Variants in FGFR2 observed in about 807,000 individuals in gnomAD.
FGFR2 encodes the protein fibroblast growth factor receptor 2, also known as BEK fibroblast growth factor receptor.
In FGFR2, 19 loss-of-function variants were observed where a neutral mutation model predicts 95.9. The observed-to-expected ratio is 0.20, with a 90% CI of 0.14 to 0.29. The LOEUF is 0.29. Ranked by LOEUF, FGFR2 falls within the 10% of genes least tolerant of loss-of-function variation. FGFR2 has a pLI of 1.00. For missense variants in FGFR2, 707 were observed against 1,056.9 expected (o/e 0.67, Z 4.59); for synonymous variants, 392 against 393.3 (o/e 1.00, Z 0.04).
chr10:121,595,627 G>A (rs1863323082), intron 1 of FGFR2, among the ~76,000 whole-genome samples: 1 of 152,236 alleles, frequency 6.6e-6, no homozygotes, highest in Non-Finnish European at 1.5e-5. Context: ...ACATGTGGGA[G>A]GAAAGTACAC....
rs142158313 is a variant in FGFR2 at position 121,534,912 on chromosome 10, C to T, written c.748+3680G>A. ...CTGAAGGGTGACCTTTGAGAAGGTA[C>T]GTCCACGTCCTAAGCCTTGGAAACT... On this transcript the variant is annotated intron_variant, in intron 6 of 17. Coordinates refer to ENST00000358487, the MANE Select transcript of FGFR2 (RefSeq NM_000141.5). Among the ~76,000 whole-genome samples the T allele has an allele frequency of 2.6e-5, 4 of 152,224 alleles. No individual in the cohort carries two copies. In the East Asian group the frequency reaches 5.8e-4, roughly 22 times the overall value.
At chr10:121,586,976 C>T (rs1309698521) in intron 2 of FGFR2, among the ~76,000 whole-genome samples, 1 of 152,328 alleles carries the variant, frequency 6.6e-6, no homozygotes, top group South Asian at 2.1e-4. Context: ...GGGGGCATCA[C>T]ATTACCTGAC....
Position 121,504,102 on chromosome 10 carries a change from C to T in FGFR2, c.1288-161G>A, listed in dbSNP as rs3135772. Reference sequence around the variant, plus strand: ...AGAAAACCACTGGAATCTAACTCCTCTGCCCTCCAGTCCATGCAGTACCAG... The same window carrying T: ...AGAAAACCACTGGAATCTAACTCCTTTGCCCTCCAGTCCATGCAGTACCAG... On this transcript the variant is annotated intron_variant, in intron 9 of 17. Transcript: ENST00000358487. Among the ~76,000 whole-genome samples, 16,732 of 152,214 alleles carry T rather than the reference C, an allele frequency of 0.11. 1,531 individuals carry two copies. Among genetic ancestry groups the T allele is most frequent in the East Asian group, 0.51 (2,621 of 5,162 alleles).
intron 5 of FGFR2, among the ~76,000 whole-genome samples, chr10:121,543,392 C>T (rs895692671): frequency 2.0e-5 from 3 of 152,130 alleles, no homozygotes; most frequent in African/African-American, 7.2e-5. Flanking sequence ...TGCCTGTAAT[C>T]CCAGCTACTC....
In FGFR2 at chr10:121,479,141, G is replaced by A. The variant is rs1261960780; in HGVS notation, c.*716C>T. ...GGATCTGATAACTAGTTAAGTCCAA[G>A]CAATAGATTAACTAGTCTGCTGTGC... On this transcript the variant is annotated 3_prime_UTR_variant, in exon 18 of 18. Transcript: ENST00000358487. 1 of 232,546 alleles carries A rather than the reference G, an allele frequency of 4.3e-6. No homozygotes were observed. Among genetic ancestry groups the A allele is most frequent in the Admixed American group, 5.6e-5 (1 of 17,748 alleles). The allele number at this position is 232,546 out of a possible 1,614,324, so 14.4% of individuals were successfully genotyped here. A position where few individuals can be genotyped will look rare whatever the true frequency, so the allele number is the denominator to read the frequency against.
At chr10:121,528,880 A>G (rs1386427324) in intron 6 of FGFR2, among the ~76,000 whole-genome samples, 4 of 152,168 alleles carry the variant, frequency 2.6e-5, no homozygotes, top group Admixed American at 2.6e-4. Flanking sequence ...ACACTCGGTG[A>G]GAGTCTCACA....
intron 6 of FGFR2, among the ~76,000 whole-genome samples, chr10:121,526,369 G>A (rs1851367842): frequency 6.6e-6 from 1 of 152,134 alleles, no homozygotes; most frequent in Non-Finnish European, 1.5e-5. Context: ...GGAGGAGGCC[G>A]ATCAAAGCTC....
rs34753296 is a variant in FGFR2 at position 121,560,615 on chromosome 10, C to CAAAA, written c.454+3883_454+3886dup. 4.3e-3 allele frequency among the ~76,000 whole-genome samples: 224 copies of CAAAA among 51,798 alleles called. 25 individuals are homozygous for CAAAA. The highest frequency in any genetic ancestry group is 0.014 in the African/African-American group (196 of 14,504). 34.0% of individuals were successfully genotyped at this position (51,798 alleles called of 152,430 possible). A position where few individuals can be genotyped will look rare whatever the true frequency, so the allele number is the denominator to read the frequency against. On this transcript the variant is annotated intron_variant, in intron 4 of 17. Coordinates refer to ENST00000358487, the MANE Select transcript of FGFR2 (RefSeq NM_000141.5). The stretch of plus-strand genomic sequence containing the variant: ...GGGCAACAGAGCAAGACTCCGTCCC[C>CAAAA]AAAAAAAAAAAAAAAAAAAAAAAAA...
At chr10:121,533,380 ACT>A (rs1466817879) in intron 6 of FGFR2, among the ~76,000 whole-genome samples, 1 of 152,092 alleles carries the variant, frequency 6.6e-6, no homozygotes, top group Non-Finnish European at 1.5e-5. Context: ...ACAAAGCAAG[ACT>A]CTGTCTCAAA....
chr10:121,561,607 C>T lies in FGFR2; in HGVS notation c.454+2895G>A, dbSNP rs1856979407. Among the ~76,000 whole-genome samples, 4 of 151,968 alleles carry T rather than the reference C, an allele frequency of 2.6e-5. No homozygotes were observed. The South Asian group carries it at 6.2e-4, about 24-fold the overall frequency. On this transcript the variant is annotated intron_variant, in intron 4 of 17. Transcript: ENST00000358487. ...AAACAATAATACTCCTAGGAGGTAACATAGGAGAAAATCTAGATGACCTTG... is the reference window on the plus strand; with the variant it reads ...AAACAATAATACTCCTAGGAGGTAATATAGGAGAAAATCTAGATGACCTTG...
chr10:121,564,972 C>T (rs1857462466), intron 3 of FGFR2, among the ~76,000 whole-genome samples: 1 of 152,106 alleles, frequency 6.6e-6, no homozygotes, highest in Non-Finnish European at 1.5e-5. Context: ...CCTAACAAAA[C>T]TCAGTCCCTG....
intron 6 of FGFR2, chr10:121,538,325 T>C: frequency 2.6e-6 from 2 of 780,624 alleles, no homozygotes; most frequent in Admixed American, 1.7e-5. Context: ...GCTTCCAAAA[T>C]GTCAGACATT....
chr10:121,556,147 C>T (rs545505358), intron 4 of FGFR2, among the ~76,000 whole-genome samples: 3 of 152,054 alleles, frequency 2.0e-5, no homozygotes, highest in Non-Finnish European at 2.9e-5. Context: ...GATGGATGGA[C>T]GGATGGATGA....
chr10:121,538,847 A>G (rs1352327018), intron 5 of FGFR2, 132 bp from the exon 6 acceptor site: 8 of 1,136,440 alleles, frequency 7.0e-6, no homozygotes, highest in Admixed American at 4.0e-5. Flanking sequence ...TTCTAAATTG[A>G]TAACTGTCAT....
intron 13 of FGFR2, 79 bp downstream of exon 13, chr10:121,496,453 G>C (rs1846822215): frequency 7.5e-7 from 1 of 1,326,964 alleles, no homozygotes; most frequent in Admixed American, 1.7e-5. Flanking sequence ...TAGCAAATGA[G>C]CATGTCCAAA....
intron 9 of FGFR2, among the ~76,000 whole-genome samples, chr10:121,507,064 C>T (rs1016063089): frequency 3.9e-5 from 6 of 152,196 alleles, no homozygotes; most frequent in African/African-American, 1.4e-4. Flanking sequence ...TTTGTGGCAT[C>T]TCTGCATCCT....
chr10:121,483,944 T>A, intron 16 of FGFR2, 141 bp from the exon 17 acceptor site: 1 of 674,794 alleles, frequency 1.5e-6, no homozygotes, highest in Non-Finnish European at 2.6e-6. Flanking sequence ...TAGGGGGTCA[T>A]GAATCACTTT....
chr10:121,580,491 G>T lies in FGFR2; in HGVS notation c.109+13218C>A, dbSNP rs11200018. On this transcript the variant is annotated intron_variant, in intron 2 of 17. Transcript: ENST00000358487. ...CCAGCATCTCGAAACCCGTGCAGAC[G>T]CCTGAAGGCACAGAGTTGTGGCCTG... is the stretch of plus-strand genomic sequence containing the variant. 1.8e-3 allele frequency among the ~76,000 whole-genome samples: 280 copies of T among 152,244 alleles called. 5 individuals carry two copies. The East Asian group carries it at 0.044, about 24-fold the overall frequency.
intron 4 of FGFR2, among the ~76,000 whole-genome samples, chr10:121,559,538 G>A (rs2135003097): frequency 6.6e-6 from 1 of 152,316 alleles, no homozygotes; most frequent in Middle Eastern, 3.4e-3. Flanking sequence ...CAAGTAGCCA[G>A]CTAAGAACCG....
Sources: gnomAD v4.1 joint callset for allele counts (sites outside exome capture counted in the v4.1 genomes callset) on GRCh38, gnomAD v4.1.1 for gene constraint, MANE v1.5 for transcripts, NCBI Gene and HGNC (gene_info 2026-07-23, HGNC 2026-07-21) for gene names.